The following SYNPR variants were observed in gnomAD, a reference collection of about 807,000 sequenced individuals.
SYNPR encodes the protein synaptoporin.
In SYNPR, 23 loss-of-function variants were observed where a neutral mutation model predicts 32.9. The observed-to-expected ratio is 0.70, with a 90% CI of 0.50 to 0.99. The LOEUF (loss-of-function observed/expected upper bound fraction) is 0.99. Ranked by LOEUF, SYNPR falls within the 50% of genes least tolerant of loss-of-function variation. SYNPR has a pLI of 0.00. For missense variants in SYNPR, 318 were observed against 349.3 expected (o/e 0.91, Z 0.71); for synonymous variants, 146 against 135.9 (o/e 1.07, Z -0.52).
intron 3 of SYNPR, among the ~76,000 whole-genome samples, chr3:63,500,954 C>T (rs1701465193): frequency 6.6e-6 from 1 of 152,122 alleles, no homozygotes; most frequent in Non-Finnish European, 1.5e-5. Flanking sequence ...AACCTATTTT[C>T]TAATTTGGAA....
At chr3:63,272,123 G>A (rs990643834) in intron 3 of SYNPR, among the ~76,000 whole-genome samples, 1 of 152,176 alleles carries the variant, frequency 6.6e-6, no homozygotes, top group African/African-American at 2.4e-5. Flanking sequence ...TTCCATTGCT[G>A]TCGGTCATAT....
At chr3:63,387,876 T>G (rs1391577348) in intron 2 of SYNPR, among the ~76,000 whole-genome samples, 1 of 152,104 alleles carries the variant, frequency 6.6e-6, no homozygotes, top group Admixed American at 6.5e-5. Flanking sequence ...TTGGGTTGCC[T>G]AGGAAGCCAA....
intron 3 of SYNPR, among the ~76,000 whole-genome samples, chr3:63,499,688 T>C (rs1701441757): frequency 6.6e-6 from 1 of 152,184 alleles, no homozygotes; most frequent in Non-Finnish European, 1.5e-5. Flanking sequence ...GAGTTAATCC[T>C]AGAGCTGCCT....
intron 3 of SYNPR, among the ~76,000 whole-genome samples, chr3:63,495,793 T>C (rs907984879): frequency 1.8e-4 from 28 of 151,974 alleles, no homozygotes; most frequent in African/African-American, 6.3e-4. Context: ...TTGAGGGAGA[T>C]GTGGGGTGTG....
chr3:63,485,459 A>G (rs181024706), intron 3 of SYNPR, among the ~76,000 whole-genome samples: 83 of 152,316 alleles, frequency 5.4e-4, no homozygotes, highest in African/African-American at 1.9e-3. Context: ...GTGAAAAACC[A>G]AGAAAAAGCC....
At chr3:63,445,376 T>C (rs1443192463) in intron 2 of SYNPR, among the ~76,000 whole-genome samples, 3 of 152,180 alleles carry the variant, frequency 2.0e-5, no homozygotes, top group Non-Finnish European at 2.9e-5. Flanking sequence ...TAGTTGGAGT[T>C]AGAGCCAATG....
chr3:63,445,292 T>G (rs1311451616), intron 2 of SYNPR, among the ~76,000 whole-genome samples: 1 of 152,142 alleles, frequency 6.6e-6, no homozygotes, highest in African/African-American at 2.4e-5. Context: ...ACAGAAGTGT[T>G]AGGGCTCCAA....
chr3:63,405,368 AG>A (rs2088345779), intron 2 of SYNPR, among the ~76,000 whole-genome samples: 1 of 152,188 alleles, frequency 6.6e-6, no homozygotes, highest in African/African-American at 2.4e-5. Flanking sequence ...ACAAACTGAC[AG>A]GAAGCTTGTA....
intron 2 of SYNPR, among the ~76,000 whole-genome samples, chr3:63,468,515 A>ACACACACACACACACACACACACACAC (rs1559508057): frequency 1.3e-5 from 2 of 151,962 alleles, no homozygotes; most frequent in African/African-American, 4.8e-5. Flanking sequence ...ACACACACAC[A>ACACACACACACACACACACACACACAC]AATGCTTAAG....
chr3:63,601,530 T>C (rs549328163), intron 4 of SYNPR, among the ~76,000 whole-genome samples: 1 of 152,240 alleles, frequency 6.6e-6, no homozygotes, highest in Admixed American at 6.5e-5. Flanking sequence ...CTGGTTTCTG[T>C]TGTTCCCTTC....
At chr3:63,284,879 C>G (rs1434331622) in intron 2 of SYNPR, among the ~76,000 whole-genome samples, 2 of 152,150 alleles carry the variant, frequency 1.3e-5, no homozygotes, top group Non-Finnish European at 2.9e-5. Context: ...GTTTTTCTTA[C>G]ATCATTGTGT....
At chr3:63,327,674 A>G (rs781214102) in intron 2 of SYNPR, among the ~76,000 whole-genome samples, 4 of 152,166 alleles carry the variant, frequency 2.6e-5, no homozygotes, top group Non-Finnish European at 4.4e-5. Flanking sequence ...AGCAAAAGAA[A>G]CTAGATACAA....
chr3:63,428,661 G>T (rs1699932913), intron 2 of SYNPR, among the ~76,000 whole-genome samples: 1 of 152,230 alleles, frequency 6.6e-6, no homozygotes, highest in Non-Finnish European at 1.5e-5. Flanking sequence ...TCTAGGCTAG[G>T]ACAGACAGCC....
chr3:63,248,474 A>C (rs2086307540), intron 1 of SYNPR, among the ~76,000 whole-genome samples: 1 of 152,168 alleles, frequency 6.6e-6, no homozygotes, highest in African/African-American at 2.4e-5. Context: ...AGTATGAATT[A>C]CAAAATATAA....
chr3:63,401,445 T>A (rs1575625747), intron 2 of SYNPR, among the ~76,000 whole-genome samples: 1 of 152,304 alleles, frequency 6.6e-6, no homozygotes, highest in East Asian at 1.9e-4. Context: ...GGCTAGGAAG[T>A]GCCACTCCAA....
chr3:63,480,801 T>A (rs1701031668), intron 2 of SYNPR, 31 bp from the exon 3 acceptor site: 3 of 1,609,782 alleles, frequency 1.9e-6, no homozygotes, highest in Non-Finnish European at 2.5e-6. Context: ...TCCTAATAAC[T>A]GCCTTCTATT....
intron 2 of SYNPR, among the ~76,000 whole-genome samples, chr3:63,401,057 T>C (rs987342923): frequency 4.0e-5 from 6 of 151,864 alleles, no homozygotes; most frequent in Admixed American, 1.3e-4. Context: ...TTTTTTATGA[T>C]GATAACAAGA....
At chr3:63,444,590 A>G (rs182292815) in intron 2 of SYNPR, among the ~76,000 whole-genome samples, 32 of 152,266 alleles carry the variant, frequency 2.1e-4, no homozygotes, top group African/African-American at 7.5e-4. Flanking sequence ...TAAAGTTGGG[A>G]ATATCATGCA....
intron 2 of SYNPR, among the ~76,000 whole-genome samples, chr3:63,379,774 G>T (rs2087942925): frequency 6.6e-6 from 1 of 151,934 alleles, no homozygotes; most frequent in African/African-American, 2.4e-5. Flanking sequence ...TGCCATGTTG[G>T]TGTGCTGCAC....
Sources: gnomAD v4.1 joint callset for allele counts (sites outside exome capture counted in the v4.1 genomes callset) on GRCh38, gnomAD v4.1.1 for gene constraint, MANE v1.5 for transcripts, NCBI Gene and HGNC (gene_info 2026-07-23, HGNC 2026-07-21) for gene names.